The following CEP95 variants were observed in gnomAD, a reference collection of about 807,000 sequenced individuals.
The protein encoded by CEP95 is centrosomal protein of 95 kDa.
A neutral mutation model predicts 111.2 loss-of-function variants in CEP95; 98 were observed. That is an observed-to-expected ratio of 0.88 (90% CI 0.75 to 1.04). The LOEUF is 1.04. Among genes scored for constraint, CEP95 ranks in the 50% least tolerant of loss-of-function variants. The pLI, the probability that CEP95 is intolerant of heterozygous loss-of-function variation, is 0.00. For missense variants in CEP95, 1,027 were observed against 977.2 expected, an observed-to-expected ratio of 1.05 and a Z score of -0.68; for synonymous variants, 323 against 327.1, an observed-to-expected ratio of 0.99 and a Z score of 0.14.
chr17:64,506,895 AC>A, upstream of CEP95: 1 of 662,584 alleles, frequency 1.5e-6, no homozygotes, highest in Non-Finnish European at 2.7e-6. Flanking sequence ...CCCCCGTTTC[AC>A]GTCCTGTGAA....
At chr17:64,507,963 C>T in intron 1 of CEP95, 1 of 985,376 alleles carries the variant, frequency 1.0e-6, no homozygotes, top group Non-Finnish European at 1.2e-6. Context: ...CAGGAAACGT[C>T]AACAGTATTG....
At chr17:64,516,969 C>A (rs945068466) in intron 5 of CEP95, 141 bp downstream of exon 5, 2 of 559,652 alleles carry the variant, frequency 3.6e-6, no homozygotes, top group Non-Finnish European at 6.3e-6. Flanking sequence ...TTAAACTTTC[C>A]TGAGGGAGTT....
intron 4 of CEP95, 67 bp from the exon 5 acceptor site, chr17:64,516,656 C>G (rs531709665): frequency 1.0e-5 from 10 of 952,942 alleles, no homozygotes; most frequent in Non-Finnish European, 1.5e-5. Context: ...CTTTCCCTGC[C>G]TCTTACATAG....
chr17:64,537,889 C>T lies in CEP95; in HGVS notation c.*110C>T. 1 of 522,594 alleles carries T rather than the reference C, an allele frequency of 1.9e-6. No homozygotes were observed. Among genetic ancestry groups the T allele is most frequent in the Non-Finnish European group, 3.0e-6 (1 of 329,512 alleles). 32.4% of individuals were successfully genotyped at this position (522,594 alleles called of 1,614,324 possible). ...AGAAAAATAATTTTCAAATGCTTTA[C>T]CTGTATTTTCATTCCAGTACTTTTT... On this transcript the variant is annotated 3_prime_UTR_variant, in exon 20 of 20. Transcript: ENST00000556440.
In CEP95 at chr17:64,537,589, C is replaced by A. The variant is rs373024769; in HGVS notation, c.2290-14C>A. 9.5e-6 allele frequency: 15 copies of A among 1,575,914 alleles called. No individual in the cohort carries two copies. In the African/African-American group the frequency reaches 1.8e-4, roughly 19 times the overall value. On this transcript the variant is annotated splice_polypyrimidine_tract_variant and intron_variant, in intron 19 of 19. Transcript: ENST00000556440. ...ATGCTGTGAACAGCGGGATGACATG[C>A]CTTCTTTTTTCAGACATTACATAAG...
rs999067936 is a variant in CEP95 at position 64,519,576 on chromosome 17, C to G, written c.589+140C>G. ...TTTGAAATTCCAGAATATCCCACTACCCATTAAATATGAACACTTATCTGA... is the reference window on the plus strand; with the variant it reads ...TTTGAAATTCCAGAATATCCCACTAGCCATTAAATATGAACACTTATCTGA... On this transcript the variant is annotated intron_variant, in intron 6 of 19. Coordinates refer to ENST00000556440, the MANE Select transcript of CEP95 (RefSeq NM_138363.3). The G allele has an allele frequency of 5.0e-5, 31 of 617,640 alleles. No homozygotes were observed. The South Asian group carries it at 6.7e-4, about 13-fold the overall frequency. 38.3% of individuals were successfully genotyped at this position (617,640 alleles called of 1,614,324 possible).
Position 64,531,095 on chromosome 17 carries a change from A to C in CEP95, c.1539+77A>C, listed in dbSNP as rs1182998094. On this transcript the variant is annotated intron_variant, in intron 13 of 19. Coordinates refer to ENST00000556440, the MANE Select transcript of CEP95 (RefSeq NM_138363.3). ...AGTACAAAGATGATCTTTTTAAAAG[A>C]AGAAGGGGCCAACAGGGCCTTAATC... 5 of 818,662 alleles carry C rather than the reference A, an allele frequency of 6.1e-6. No homozygotes were observed. The African/African-American group carries it at 8.8e-5, about 14-fold the overall frequency. 50.7% of individuals were successfully genotyped at this position (818,662 alleles called of 1,614,324 possible). A position where few individuals can be genotyped will look rare whatever the true frequency, so the allele number is the denominator to read the frequency against.
rs544279336 is a variant in CEP95, at chr17:64,517,193, C to T, written c.473+365C>T. Among the ~76,000 whole-genome samples the T allele has an allele frequency of 2.0e-4, 31 of 152,086 alleles. 1 individual carries two copies. Among genetic ancestry groups the T allele is most frequent in the African/African-American group, 4.3e-4 (18 of 41,496 alleles). ...TCCTGAGTAGCTGGGATTACAGGCA[C>T]GCGCCACCATGCCCGGCTAATTTTT... On this transcript the variant is annotated intron_variant, in intron 5 of 19. Transcript: ENST00000556440.
chr17:64,536,932 AT>A (rs1323390356), intron 18 of CEP95, 108 bp from the exon 19 acceptor site: 3 of 1,232,652 alleles, frequency 2.4e-6, no homozygotes, highest in Admixed American at 2.5e-5. Context: ...AGTACAGTAT[AT>A]TTCCCTATTT....
intron 17 of CEP95, 21 bp downstream of exon 17, chr17:64,534,758 C>A (rs782133357): frequency 1.2e-6 from 2 of 1,603,594 alleles, no homozygotes; most frequent in Admixed American, 1.7e-5. Context: ...CTTTTCTGTC[C>A]AGCCCTGTTA....
At chr17:64,517,690 A>ATT (rs782455302) in intron 5 of CEP95, among the ~76,000 whole-genome samples, 191 of 124,502 alleles carry the variant, frequency 1.5e-3, no homozygotes, top group South Asian at 2.8e-3. Flanking sequence ...CACCTGGCTA[A>ATT]TTTTTTTTTT....
At chr17:64,516,074 A>G (rs2039125885) in intron 4 of CEP95, 1 of 151,872 alleles carries the variant, frequency 6.6e-6, no homozygotes, top group South Asian at 2.1e-4. Context: ...ATAAATGTTA[A>G]TTGATGTTAT....
intron 3 of CEP95, among the ~76,000 whole-genome samples, chr17:64,511,721 G>A (rs2038909410): frequency 6.6e-6 from 1 of 152,196 alleles, no homozygotes; most frequent in African/African-American, 2.4e-5. Context: ...ACAGGCCTAG[G>A]AAATCACAAG....
At position 64,532,911 on chromosome 17, in the gene CEP95, C is replaced by G. The variant is rs1968378850; in HGVS notation, c.1745C>G (p.Thr582Arg). The G allele has an allele frequency of 2.5e-6, 4 of 1,613,762 alleles. No individual in the cohort carries two copies. The highest frequency in any genetic ancestry group is 2.5e-6 in the Non-Finnish European group (3 of 1,179,862). ...CCGTTTCTTTATGTTTCTGGCCCAA[C>G]ACTAAGCAAAATGTGGAAACAGCAA... ...QFPFLYVSGP[T>R]LSKMWKQQIA... The change falls in exon 15 of 20, where the codon ACA (threonine) becomes AGA (arginine). Residue 582 changes from threonine to arginine, a missense_variant. Thr to Arg is a moderately conservative substitution (Grantham distance 71). Coordinates refer to ENST00000556440, the MANE Select transcript of CEP95 (RefSeq NM_138363.3).
Position 64,537,730 on chromosome 17 carries a change from C to G in CEP95, c.2417C>G (p.Ser806Cys), listed in dbSNP as rs782669275. 3.7e-6 allele frequency: 6 copies of G among 1,611,320 alleles called. No homozygotes were observed. The Middle Eastern group carries it at 5.0e-4, about 133-fold the overall frequency. The stretch of plus-strand genomic sequence containing the variant: ...GAACTGGAAGCTGAGCGCTTCAGAT[C>G]TCGGCTTCAGCTGGCTTCCTTTCAG... The part of the protein sequence containing the change: ...FRELEAERFR[S>C]RLQLASFQYS... Residue 806 changes from serine to cysteine, a missense_variant, in exon 20 of 20, where the codon TCT becomes TGT. By Grantham distance (112) the Ser-to-Cys change is moderately radical. Coordinates refer to ENST00000556440, the MANE Select transcript of CEP95 (RefSeq NM_138363.3).
chr17:64,537,507 G>C, intron 19 of CEP95, 96 bp from the exon 20 acceptor site: 2 of 1,449,990 alleles, frequency 1.4e-6, no homozygotes, highest in Non-Finnish European at 1.8e-6. Context: ...TGAAAATTTT[G>C]GAGGAGTTTG....
chr17:64,515,962 C>T (rs1251100879), intron 4 of CEP95: 1 of 152,158 alleles, frequency 6.6e-6, no homozygotes, highest in Non-Finnish European at 1.5e-5. Context: ...GCTCTCTAAG[C>T]CTGTTTTCTC....
chr17:64,514,286 A>G lies in CEP95; in HGVS notation c.295A>G (p.Asn99Asp). 1 of 1,491,314 alleles carries G rather than the reference A, an allele frequency of 6.7e-7. No individual in the cohort carries two copies. The highest frequency in any genetic ancestry group is 9.2e-7 in the Non-Finnish European group (1 of 1,092,860). The allele number at this position is 1,491,314 out of a possible 1,614,324, so 92.4% of individuals were successfully genotyped here. Residue 99 changes from asparagine to aspartate, a missense_variant, in exon 4 of 20, where the codon AAT becomes GAT. Transcript: ENST00000556440. ...GAAAGGAGATAAAGAATCTATTAAG[A>G]ATCTCCTGGAAATATTTGATGGTTT... ...IVKGDKESIK[N>D]LLEIFDGLLE...
rs1250103720 is a variant in CEP95 at position 64,506,977 on chromosome 17, C to T, written c.-121C>T. The stretch of plus-strand genomic sequence containing the variant: ...AACGTCCGTCCTTCTTTCACGCCTC[C>T]TTCCCCGCGCTTTGGTTCGTGCGTC... On this transcript the variant is annotated 5_prime_UTR_variant, in exon 1 of 20. Coordinates refer to ENST00000556440, the MANE Select transcript of CEP95 (RefSeq NM_138363.3). 8.8e-7 allele frequency: 1 copy of T among 1,133,340 alleles called. No individual in the cohort carries two copies. The allele number at this position is 1,133,340 out of a possible 1,614,324, so 70.2% of individuals were successfully genotyped here.
Sources: gnomAD v4.1 joint callset for allele counts (sites outside exome capture counted in the v4.1 genomes callset) on GRCh38, gnomAD v4.1.1 for gene constraint, MANE v1.5 for transcripts, NCBI Gene and HGNC (gene_info 2026-07-23, HGNC 2026-07-21) for gene names.